The following PGAP2 variants were observed in gnomAD, a reference collection of about 807,000 sequenced individuals.
The protein encoded by PGAP2 is acyltransferase PGAP2.
A neutral mutation model predicts 33.2 loss-of-function variants in PGAP2; 21 were observed. The ratio of observed to expected loss-of-function variants is 0.63; its 90% CI spans 0.45 to 0.91. The LOEUF (loss-of-function observed/expected upper bound fraction) is 0.91, where lower values mean the gene tolerates loss of function less well. Among genes scored for constraint, PGAP2 ranks in the 40% least tolerant of loss-of-function variants. The pLI is 0.00. For missense variants in PGAP2, 345 were observed against 424.0 expected, an observed-to-expected ratio of 0.81 and a Z score of 1.64; for synonymous variants, 161 against 172.9, an observed-to-expected ratio of 0.93 and a Z score of 0.54.
At chr11:3,805,315 G>A (rs192844030), upstream of PGAP2, among the ~76,000 whole-genome samples, 2 of 144,726 alleles carry the variant, frequency 1.4e-5, no homozygotes, top group African/African-American at 2.6e-5. Flanking sequence ...AGGCTGTTGT[G>A]GAGTGGTATG....
rs187897687 is a variant in PGAP2 at position 3,801,896 on chromosome 11, G to A, written c.139+3914G>A. ...GGAGGTGGAGGTTGCAGTGAGCCAA[G>A]ATTGCACCACCATACTCCAGCCTCA... On this transcript the variant is annotated intron_variant, in intron 1 of 6. Coordinates refer to the PGAP2 transcript ENST00000300730. Among the ~76,000 whole-genome samples the A allele has an allele frequency of 3.3e-3, 501 of 152,044 alleles. 2 individuals carry two copies. The highest frequency in any genetic ancestry group is 9.8e-3 in the African/African-American group (407 of 41,522).
chr11:3,801,672 C>A (rs1264148849), intron 1 of PGAP2, among the ~76,000 whole-genome samples: 2 of 113,456 alleles, frequency 1.8e-5, no homozygotes, highest in African/African-American at 6.1e-5. Context: ...TTTCCGGGCA[C>A]GGGGGCTCAC....
intron 1 of PGAP2, among the ~76,000 whole-genome samples, chr11:3,801,641 CAA>C (rs772606488): frequency 1.8e-4 from 14 of 76,766 alleles, no homozygotes; most frequent in Non-Finnish European, 2.3e-4. Flanking sequence ...GACTCCATCT[CAA>C]AAAAAAAAAA....
In PGAP2 at chr11:3,817,358, G is replaced by T. The variant is rs575675293; in HGVS notation, c.171G>T (p.Thr57=). 4.3e-6 allele frequency: 7 copies of T among 1,612,876 alleles called. No individual in the cohort carries two copies. The highest frequency in any genetic ancestry group is 3.3e-5 in the Admixed American group (2 of 59,952). ...GTATCCCTCGTGCTGCTTAGGCCAC[G>T]CCCTGCAGGATGTTCTCTGCGGCCT... ...KETTATHCGA[T]PCRMFSAASQ... is the part of the protein sequence containing the mutation. Residue 57 remains threonine, a synonymous_variant, in exon 3 of 7, where the codon ACG becomes ACT. Coordinates refer to ENST00000278243, the MANE Select transcript of PGAP2 (RefSeq NM_014489.4).
chr11:3,824,837 C>G, intron 5 of PGAP2, 183 bp from the exon 6 acceptor site: 1 of 1,439,126 alleles, frequency 6.9e-7, no homozygotes, highest in East Asian at 2.5e-5. Flanking sequence ...CCCATCACTC[C>G]CCCAGAGGCA....
chr11:3,824,223 G>C, intron 4 of PGAP2, 47 bp from the exon 5 acceptor site: 1 of 1,613,052 alleles, frequency 6.2e-7, no homozygotes, highest in African/African-American at 1.3e-5. Flanking sequence ...CTACTTCGTG[G>C]TGTGGGCACT....
chr11:3,824,882 C>T (rs2089729967), intron 5 of PGAP2, 138 bp from the exon 6 acceptor site: 2 of 1,477,164 alleles, frequency 1.4e-6, no homozygotes, highest in African/African-American at 1.4e-5. Flanking sequence ...TCTTGCTGCC[C>T]CTGCCTGTGC....
upstream of PGAP2, chr11:3,808,413 G>A: frequency 6.5e-7 from 1 of 1,545,688 alleles, no homozygotes. Context: ...GGGCAGACCC[G>A]GGCTGTAAAG....
intron 3 of PGAP2, chr11:3,817,992 G>A (rs1234736875): frequency 1.0e-5 from 4 of 388,968 alleles, no homozygotes; most frequent in Non-Finnish European, 2.1e-5. Flanking sequence ...ATTTCAGTGA[G>A]CTGAGTTCAC....
intron 3 of PGAP2, among the ~76,000 whole-genome samples, chr11:3,820,876 T>G (rs138654851): frequency 4.6e-5 from 7 of 152,274 alleles, no homozygotes; most frequent in East Asian, 3.9e-4. Flanking sequence ...GTAGGTGGTG[T>G]TATACCCATT....
At chr11:3,797,919 G>A (rs561479643) in exon 1 of PGAP2, 4 of 1,548,148 alleles carry the variant, frequency 2.6e-6, no homozygotes, top group African/African-American at 2.7e-5. Flanking sequence ...CCCCTTCCTT[G>A]GAGCGCCGCG....
At chr11:3,803,496 C>T (rs11029836) in intron 1 of PGAP2, among the ~76,000 whole-genome samples, 89,885 of 150,722 alleles carry the variant, frequency 0.6, 29,935 homozygotes, top group East Asian at 0.8. Context: ...GGTGCAGTCT[C>T]GGCTCACTGC....
intron 2 of PGAP2, among the ~76,000 whole-genome samples, chr11:3,813,238 A>G (rs948146432): frequency 6.6e-6 from 1 of 152,198 alleles, no homozygotes; most frequent in Non-Finnish European, 1.5e-5. Flanking sequence ...TTTTAGAGGC[A>G]GGGTCTCATT....
intron 1 of PGAP2, among the ~76,000 whole-genome samples, chr11:3,808,857 G>C (rs1256810854): frequency 6.6e-6 from 1 of 152,210 alleles, no homozygotes; most frequent in Non-Finnish European, 1.5e-5. Flanking sequence ...CGTGGGGCCG[G>C]GTGTGCAGGG....
At chr11:3,810,084 C>T (rs951916110) in intron 1 of PGAP2, among the ~76,000 whole-genome samples, 15 of 152,202 alleles carry the variant, frequency 9.9e-5, no homozygotes, top group African/African-American at 3.6e-4. Flanking sequence ...GGATGGCTTT[C>T]CCTTCAGCTC....
rs552865479 is a variant in PGAP2, at chr11:3,824,764, C to A, written c.709-256C>A. 9 of 1,411,030 alleles carry A rather than the reference C, an allele frequency of 6.4e-6. No homozygotes were observed. In the Admixed American group the frequency reaches 2.0e-4, roughly 32 times the overall value. The allele number at this position is 1,411,030 out of a possible 1,614,324, so 87.4% of individuals were successfully genotyped here. The stretch of plus-strand genomic sequence containing the variant: ...TTGGAGGTGGGGTTGGTGGGTGACT[C>A]CATGTAACTTTCATACTCCATCCCC... On this transcript the variant is annotated intron_variant, in intron 5 of 6. Transcript: ENST00000278243.
chr11:3,802,486 G>T (rs192295132), intron 1 of PGAP2, among the ~76,000 whole-genome samples: 1 of 152,158 alleles, frequency 6.6e-6, no homozygotes, highest in Non-Finnish European at 1.5e-5. Context: ...GCCAAGCCCT[G>T]TCCTGGACAT....
chr11:3,814,794 TTC>T, intron 2 of PGAP2, among the ~76,000 whole-genome samples: 1 of 111,942 alleles, frequency 8.9e-6, no homozygotes, highest in Admixed American at 9.1e-5. Flanking sequence ...CTTTCTTTCT[TTC>T]TTTCTTTCTT....
At chr11:3,812,200 A>G (rs1175140656) in intron 2 of PGAP2, among the ~76,000 whole-genome samples, 1 of 152,096 alleles carries the variant, frequency 6.6e-6, no homozygotes, top group Non-Finnish European at 1.5e-5. Flanking sequence ...ACTCTGTTAT[A>G]CTTGTAATTC....
Sources: gnomAD v4.1 joint callset for allele counts (sites outside exome capture counted in the v4.1 genomes callset) on GRCh38, gnomAD v4.1.1 for gene constraint, MANE v1.5 for transcripts, NCBI Gene and HGNC (gene_info 2026-07-23, HGNC 2026-07-21) for gene names.